LRSAM1: variants seen among roughly 807,000 people sequenced by gnomAD.
LRSAM1 encodes leucine rich repeat and sterile alpha motif containing 1.
In LRSAM1, 96 loss-of-function variants were observed where a neutral mutation model predicts 118.1. The observed-to-expected ratio is 0.81, with a 90% CI of 0.69 to 0.96. LRSAM1 has a LOEUF of 0.96. Among genes scored for constraint, LRSAM1 ranks in the 40% least tolerant of loss-of-function variants. The pLI is 0.00. For synonymous variants in LRSAM1, 322 were observed against 364.2 expected (o/e 0.88, Z 1.32); for missense variants, 804 against 915.5 (o/e 0.88, Z 1.57).
intron 24 of LRSAM1, among the ~76,000 whole-genome samples, chr9:127,499,588 G>T (rs1422034014): frequency 1.3e-5 from 2 of 151,656 alleles, no homozygotes; most frequent in Non-Finnish European, 2.9e-5. Flanking sequence ...GGTTTGGGGG[G>T]AAGCACTGAT....
chr9:127,497,467 T>G, intron 24 of LRSAM1, 133 bp downstream of exon 24: 1 of 930,120 alleles, frequency 1.1e-6, no homozygotes, highest in Non-Finnish European at 1.7e-6. Context: ...TCGGTAAGGT[T>G]TCCTCCCAAG....
chr9:127,481,936 T>C (rs1235518856), intron 15 of LRSAM1, among the ~76,000 whole-genome samples: 1 of 151,490 alleles, frequency 6.6e-6, no homozygotes, highest in African/African-American at 2.4e-5. Context: ...GCGCCTATGG[T>C]TCCAGCTAAA....
intron 25 of LRSAM1, 80 bp downstream of exon 25, chr9:127,501,223 G>C: frequency 6.5e-7 from 1 of 1,542,050 alleles, no homozygotes. Flanking sequence ...GGTTGTCTCT[G>C]AACGTGTTTT....
intron 9 of LRSAM1, among the ~76,000 whole-genome samples, chr9:127,462,646 G>T (rs939841231): frequency 6.6e-6 from 1 of 152,088 alleles, no homozygotes; most frequent in East Asian, 1.9e-4. Flanking sequence ...AAAGTTGTCG[G>T]TAGGGGAACA....
At chr9:127,502,317 G>A (rs1218776898) in intron 25 of LRSAM1, among the ~76,000 whole-genome samples, 5 of 152,192 alleles carry the variant, frequency 3.3e-5, no homozygotes, top group East Asian at 1.9e-4. Context: ...TGTTTCGGCC[G>A]TGCCTGTTCT....
intron 9 of LRSAM1, 97 bp from the exon 10 acceptor site, chr9:127,467,643 T>G: frequency 8.6e-7 from 1 of 1,157,616 alleles, no homozygotes; most frequent in Non-Finnish European, 1.3e-6. Flanking sequence ...TCCTGCTGGG[T>G]AGAGGTGACA....
At chr9:127,461,344 C>G in intron 8 of LRSAM1, 87 bp downstream of exon 8, 1 of 1,242,160 alleles carries the variant, frequency 8.1e-7, no homozygotes, top group Non-Finnish European at 1.2e-6. Flanking sequence ...CGCCCGGGAG[C>G]CATTGAGCAG....
At chr9:127,496,441 A>G (rs1451368360) in intron 23 of LRSAM1, among the ~76,000 whole-genome samples, 4 of 152,168 alleles carry the variant, frequency 2.6e-5, no homozygotes, top group Non-Finnish European at 5.9e-5. Flanking sequence ...GCACTGCCTG[A>G]GCCCCTGTTC....
chr9:127,460,298 C>T (rs1481868387), intron 7 of LRSAM1, among the ~76,000 whole-genome samples: 1 of 152,060 alleles, frequency 6.6e-6, no homozygotes, highest in Non-Finnish European at 1.5e-5. Context: ...GTGCCTGGCC[C>T]CCATTGCATC....
chr9:127,497,106 C>A, intron 23 of LRSAM1, 147 bp from the exon 24 acceptor site: 1 of 758,308 alleles, frequency 1.3e-6, no homozygotes, highest in South Asian at 1.5e-5. Flanking sequence ...TCATCCTGAC[C>A]GTGGGCCCCG....
chr9:127,466,475 C>T (rs1422801456), intron 9 of LRSAM1, among the ~76,000 whole-genome samples: 1 of 35,000 alleles, frequency 2.9e-5, no homozygotes, highest in Non-Finnish European at 4.3e-5. Flanking sequence ...AAGGAAGAAT[C>T]ATATATATAT....
At chr9:127,468,740 C>T (rs1835049709) in intron 10 of LRSAM1, among the ~76,000 whole-genome samples, 1 of 139,246 alleles carries the variant, frequency 7.2e-6, no homozygotes, top group Non-Finnish European at 1.5e-5. Context: ...CTATGGGAGG[C>T]TGAGGCAGGA....
Position 127,465,530 on chromosome 9 carries a change from G to A in LRSAM1, c.529-2210G>A, listed in dbSNP as rs192731915. The stretch of plus-strand genomic sequence containing the variant: ...CCCATGTGGGGTTCATTTGCTTCCA[G>A]GTATGGGGTTTTCTGCTGTTGGGCC... On this transcript the variant is annotated intron_variant, in intron 9 of 25. Transcript: ENST00000300417. This position sits in a 1 kb window ranked among gnomAD's most constrained non-coding sequence, Gnocchi z 4.1. Among the ~76,000 whole-genome samples the A allele has an allele frequency of 2.5e-3, 377 of 152,358 alleles. 1 individual carries two copies. The highest frequency in any genetic ancestry group is 3.6e-3 in the Non-Finnish European group (248 of 68,038).
At chr9:127,467,099 C>T (rs543080107) in intron 9 of LRSAM1, among the ~76,000 whole-genome samples, 10 of 152,106 alleles carry the variant, frequency 6.6e-5, no homozygotes, top group Non-Finnish European at 1.3e-4. Flanking sequence ...AGCTGGCAAC[C>T]GAGAGGCAGC....
chr9:127,458,352 G>A (rs1043020174), intron 6 of LRSAM1, among the ~76,000 whole-genome samples: 4 of 150,324 alleles, frequency 2.7e-5, no homozygotes, highest in African/African-American at 7.4e-5. Flanking sequence ...ACTGCAGTCC[G>A]CAGTCCGGCG....
intron 7 of LRSAM1, among the ~76,000 whole-genome samples, chr9:127,460,888 C>T (rs570920040): frequency 1.6e-5 from 2 of 122,910 alleles, no homozygotes; most frequent in African/African-American, 6.2e-5. Flanking sequence ...CGGAGTCTCA[C>T]TCTGTTGCCC....
chr9:127,482,832 C>T, intron 15 of LRSAM1, 118 bp from the exon 16 acceptor site: 2 of 888,710 alleles, frequency 2.3e-6, no homozygotes, highest in Non-Finnish European at 1.8e-6. Context: ...CCAGAGAGCC[C>T]ATCTAGGTGT....
Position 127,465,214 on chromosome 9 carries a change from C to G in LRSAM1, c.529-2526C>G, listed in dbSNP as rs1020715998. Among the ~76,000 whole-genome samples the G allele has an allele frequency of 1.3e-5, 2 of 152,140 alleles. No homozygotes were observed. Among genetic ancestry groups the G allele is most frequent in the African/African-American group, 4.8e-5 (2 of 41,406 alleles). ...GCATGCAATGAGCCGGGATCTGAAG[C>G]CATGGCGGTGTCTTTGGCACAGCAA... On this transcript the variant is annotated intron_variant, in intron 9 of 25. Coordinates refer to ENST00000300417, the MANE Select transcript of LRSAM1 (RefSeq NM_001005373.4). This position sits in a 1 kb window ranked among gnomAD's most constrained non-coding sequence, Gnocchi z 4.1.
Position 127,460,323 on chromosome 9 carries a change from A to T in LRSAM1, c.322-850A>T, listed in dbSNP as rs1834687275. On this transcript the variant is annotated intron_variant, in intron 7 of 25. Transcript: ENST00000300417. ...CCCATTGCATCTATTTTTAATGGTT[A>T]GTGTGTCATCCTGCTAGCCTTGCTC... 2.0e-5 allele frequency among the ~76,000 whole-genome samples: 3 copies of T among 152,154 alleles called. No individual in the cohort carries two copies. The South Asian group carries it at 6.2e-4, about 32-fold the overall frequency.
Sources: gnomAD v4.1 joint callset for allele counts (sites outside exome capture counted in the v4.1 genomes callset) on GRCh38, gnomAD v4.1.1 for gene constraint, Gnocchi (gnomAD v3.1) non-coding constraint, MANE v1.5 for transcripts, NCBI Gene and HGNC (gene_info 2026-07-23, HGNC 2026-07-21) for gene names.